Variants in CELF2 observed in about 807,000 individuals in gnomAD.
CELF2 encodes CUG triplet repeat RNA-binding protein 2.
Under a neutral mutation model 62.6 loss-of-function variants are expected in CELF2, and 8 were observed. The observed-to-expected ratio is 0.13, with a 90% CI of 0.07 to 0.23. The LOEUF (loss-of-function observed/expected upper bound fraction) is 0.23. Ranked by LOEUF, CELF2 falls within the 10% of genes least tolerant of loss-of-function variation. The pLI is 1.00. For missense variants in CELF2, 333 were observed against 671.0 expected (o/e 0.50, Z 5.56); for synonymous variants, 258 against 250.0 (o/e 1.03, Z -0.30).
At chr10:10,509,648 G>A in the CELF2 span, among the ~76,000 whole-genome samples, 4 of 152,140 alleles carry the variant, frequency 2.6e-5, no homozygotes, top group Non-Finnish European at 4.4e-5. Context: ...ATCCCAGCCT[G>A]CCCCAGGAAG....
At chr10:10,747,649 A>G in the CELF2 span, among the ~76,000 whole-genome samples, 1 of 152,164 alleles carries the variant, frequency 6.6e-6, no homozygotes, top group Non-Finnish European at 1.5e-5. Flanking sequence ...AAAAGGGCCA[A>G]TGGCAGGGGA....
chr10:11,092,857 A>G (rs1308480150), intron 1 of CELF2, among the ~76,000 whole-genome samples: 1 of 152,154 alleles, frequency 6.6e-6, no homozygotes, highest in East Asian at 1.9e-4. Context: ...TGCTAAACGA[A>G]CACTCAGTCC....
At chr10:11,225,357 G>C (rs2066151443) in intron 3 of CELF2, among the ~76,000 whole-genome samples, 1 of 152,142 alleles carries the variant, frequency 6.6e-6, no homozygotes, top group South Asian at 2.1e-4. Flanking sequence ...AATGCCCTCT[G>C]TACTTGATCT....
At chr10:10,468,204 G>A in the CELF2 span, among the ~76,000 whole-genome samples, 42 of 152,054 alleles carry the variant, frequency 2.8e-4, no homozygotes, top group South Asian at 4.1e-4. Context: ...AAGCTTTGGC[G>A]TTCTCTAAAC....
At chr10:10,883,471 G>A (rs879003112) in intron 1 of CELF2, among the ~76,000 whole-genome samples, 2 of 152,182 alleles carry the variant, frequency 1.3e-5, no homozygotes, top group Admixed American at 1.3e-4. Flanking sequence ...TTAAATGTGT[G>A]TTGTCTACGG....
At position 11,211,091 on chromosome 10, in the gene CELF2, A is replaced by G. The variant is rs537693801; in HGVS notation, c.272-6334A>G. ...ACGAGGAGTTTGAGAAGCCTGAGCT[A>G]TGTAGCAAGACCCAGTCTCTACTAA... On this transcript the variant is annotated intron_variant, in intron 2 of 12. Transcript: ENST00000633077. The surrounding 1 kb of genome is among the most constrained non-coding windows in gnomAD (Gnocchi z 4.8). 4.1e-4 allele frequency among the ~76,000 whole-genome samples: 62 copies of G among 152,342 alleles called. 1 individual carries two copies. Among genetic ancestry groups the G allele is most frequent in the South Asian group, 3.3e-3 (16 of 4,826 alleles).
intron 1 of CELF2, among the ~76,000 whole-genome samples, chr10:10,847,849 A>G (rs1462985701): frequency 6.6e-6 from 1 of 152,256 alleles, no homozygotes; most frequent in Non-Finnish European, 1.5e-5. Context: ...TTATAGCATT[A>G]TCTGTGAATG....
intron 1 of CELF2, among the ~76,000 whole-genome samples, chr10:10,805,282 CAGTGACACCACATACTTTTCTGATCT>C (rs951572688): frequency 6.6e-6 from 1 of 152,194 alleles, no homozygotes; most frequent in African/African-American, 2.4e-5. Context: ...AGCAATTAAA[CAGTGACACCACATACTTTTCTGATCT>C]AGTTACTACT....
At chr10:11,115,379 G>A (rs2056319121) in intron 1 of CELF2, among the ~76,000 whole-genome samples, 1 of 152,196 alleles carries the variant, frequency 6.6e-6, no homozygotes, top group Non-Finnish European at 1.5e-5. Context: ...TGTTGAAAAG[G>A]GGAAAGGAAG....
At chr10:10,670,143 C>T in the CELF2 span, among the ~76,000 whole-genome samples, 20 of 152,192 alleles carry the variant, frequency 1.3e-4, no homozygotes, top group South Asian at 2.5e-3. Flanking sequence ...CTCAGGTGAT[C>T]GGGCCACTTT....
chr10:11,226,928 C>T (rs1821289708), intron 3 of CELF2, among the ~76,000 whole-genome samples: 1 of 152,202 alleles, frequency 6.6e-6, no homozygotes, highest in African/African-American at 2.4e-5. Context: ...TATTAGGGTG[C>T]ATTTCTTTAT....
chr10:10,525,339 C>T, the CELF2 span, among the ~76,000 whole-genome samples: 1 of 152,126 alleles, frequency 6.6e-6, no homozygotes, highest in Non-Finnish European at 1.5e-5. Context: ...AATTCATAAA[C>T]TGTCTTAAAA....
the CELF2 span, among the ~76,000 whole-genome samples, chr10:10,663,512 C>T: frequency 6.6e-6 from 1 of 152,102 alleles, no homozygotes; most frequent in East Asian, 1.9e-4. Flanking sequence ...AAAACAGGTT[C>T]AAAGAATGTT....
chr10:10,504,074 C>T, the CELF2 span, among the ~76,000 whole-genome samples: 18 of 152,056 alleles, frequency 1.2e-4, no homozygotes, highest in Non-Finnish European at 2.2e-4. Flanking sequence ...TCACTATATA[C>T]ATTTAGATAC....
the CELF2 span, among the ~76,000 whole-genome samples, chr10:10,706,302 G>A: frequency 3.3e-5 from 5 of 152,208 alleles, no homozygotes; most frequent in African/African-American, 1.2e-4. Context: ...CTGGCACTAA[G>A]TAGACACTCA....
In CELF2 at chr10:11,117,877, AGCCTT is replaced by A. The variant is rs2056894412; in HGVS notation, c.75-47608_75-47604del. Among the ~76,000 whole-genome samples the A allele has an allele frequency of 1.3e-5, 2 of 152,164 alleles. No individual in the cohort carries two copies. On this transcript the variant is annotated intron_variant, in intron 1 of 12. Coordinates refer to ENST00000633077, the MANE Select transcript of CELF2 (RefSeq NM_001326342.2). This position sits in a 1 kb window ranked among gnomAD's most constrained non-coding sequence, Gnocchi z 4.1. Reference sequence around the variant, plus strand: ...CATGATAGGCCATGTCACTCCTCACAGCCTTTTTCTGCGCTATCCTTTTATACATT... The same window carrying A: ...CATGATAGGCCATGTCACTCCTCACATTTCTGCGCTATCCTTTTATACATT...
chr10:10,754,998 A>G, the CELF2 span, among the ~76,000 whole-genome samples: 1 of 152,254 alleles, frequency 6.6e-6, no homozygotes, highest in Admixed American at 6.5e-5. Flanking sequence ...TCCTGTGGGC[A>G]GAAACAATCT....
chr10:11,057,108 A>G (rs182624117), intron 1 of CELF2, among the ~76,000 whole-genome samples: 23 of 152,316 alleles, frequency 1.5e-4, no homozygotes, highest in Admixed American at 9.8e-4. Flanking sequence ...TGTGTAACAG[A>G]GAAACAGTTT....
the CELF2 span, among the ~76,000 whole-genome samples, chr10:10,611,769 T>C: frequency 6.6e-6 from 1 of 152,364 alleles, no homozygotes; most frequent in South Asian, 2.1e-4. Context: ...GGCAGACAGA[T>C]AGATACAGGT....
Sources: gnomAD v4.1 joint callset for allele counts (sites outside exome capture counted in the v4.1 genomes callset) on GRCh38, gnomAD v4.1.1 for gene constraint, Gnocchi (gnomAD v3.1) non-coding constraint, MANE v1.5 for transcripts, NCBI Gene and HGNC (gene_info 2026-07-23, HGNC 2026-07-21) for gene names.